Variants in DIPK1A observed in about 807,000 individuals in gnomAD.
DIPK1A encodes divergent protein kinase domain 1A, also known as family with sequence similarity 69 member A.
Under a neutral mutation model 40.8 loss-of-function variants are expected in DIPK1A, and 27 were observed. The ratio of observed to expected loss-of-function variants is 0.66; its 90% CI spans 0.49 to 0.91. DIPK1A has a LOEUF of 0.91. Ranked by LOEUF, DIPK1A falls within the 40% of genes least tolerant of loss-of-function variation. The probability of loss-of-function intolerance (pLI) is 0.00; values close to 1 mark genes in which losing one functional copy is unlikely to be tolerated. For missense variants in DIPK1A, 412 were observed against 505.7 expected (o/e 0.81, Z 1.78); for synonymous variants, 166 against 171.3 (o/e 0.97, Z 0.24).
Position 92,846,439 on chromosome 1 carries a change from T to C in DIPK1A, c.474+744A>G, listed in dbSNP as rs532836694. On this transcript the variant is annotated intron_variant, in intron 4 of 4. Transcript: ENST00000370310. Reference sequence around the variant, plus strand: ...AACCTCTCCTTATTCTCCTCTCCTCTGTACCCTTCCCAGCCTCTAATAGCC... The same window carrying C: ...AACCTCTCCTTATTCTCCTCTCCTCCGTACCCTTCCCAGCCTCTAATAGCC... 83 of 240,138 alleles carry C rather than the reference T, an allele frequency of 3.5e-4. 1 individual carries two copies. The highest frequency in any genetic ancestry group is 1.8e-3 in the African/African-American group (80 of 43,666). The allele number at this position is 240,138 out of a possible 1,614,324, so 14.9% of individuals were successfully genotyped here.
chr1:92,946,934 A>G (rs1571148333), intron 1 of DIPK1A, among the ~76,000 whole-genome samples: 2 of 136,422 alleles, frequency 1.5e-5, no homozygotes, highest in African/African-American at 5.3e-5. Context: ...ACAGAGTGAG[A>G]CCCTGTCTCA....
At chr1:92,849,337 G>GT (rs1478577600) in intron 3 of DIPK1A, among the ~76,000 whole-genome samples, 151 of 149,478 alleles carry the variant, frequency 1.0e-3, no homozygotes, top group Middle Eastern at 6.9e-3. Flanking sequence ...AATCTTGTCT[G>GT]GTTTTTTTTT....
intron 1 of DIPK1A, among the ~76,000 whole-genome samples, chr1:92,911,622 T>C (rs1340457498): frequency 6.6e-6 from 1 of 152,208 alleles, no homozygotes; most frequent in African/African-American, 2.4e-5. Flanking sequence ...TAAGCTACTA[T>C]GCATATTTAT....
chr1:92,943,463 C>T (rs774880249), intron 1 of DIPK1A, among the ~76,000 whole-genome samples: 7 of 152,100 alleles, frequency 4.6e-5, no homozygotes, highest in Non-Finnish European at 8.8e-5. Context: ...AGGTTGAAGA[C>T]GGTGGGAATA....
intron 1 of DIPK1A, among the ~76,000 whole-genome samples, chr1:92,957,622 C>A (rs1651904771): frequency 6.6e-6 from 1 of 152,090 alleles, no homozygotes; most frequent in African/African-American, 2.4e-5. Flanking sequence ...AAGAAGTGCT[C>A]CCTGCACCAA....
intron 1 of DIPK1A, among the ~76,000 whole-genome samples, chr1:92,899,565 G>A (rs1417513800): frequency 1.3e-5 from 2 of 151,948 alleles, no homozygotes; most frequent in African/African-American, 2.4e-5. Flanking sequence ...TATTGATAGG[G>A]GAAAACTCGC....
chr1:92,952,898 TAGCTCTA>T (rs1214771856), intron 1 of DIPK1A, among the ~76,000 whole-genome samples: 1 of 152,142 alleles, frequency 6.6e-6, no homozygotes. Context: ...CTTGTGGCAC[TAGCTCTA>T]AGATCTAATA....
intron 2 of DIPK1A, among the ~76,000 whole-genome samples, chr1:92,864,000 T>C (rs1647412863): frequency 6.6e-6 from 1 of 152,086 alleles, no homozygotes; most frequent in African/African-American, 2.4e-5. Flanking sequence ...AAGGTTGCAG[T>C]GAGCTGAGAT....
rs1010366271 is a variant in DIPK1A at position 92,935,169 on chromosome 1, A to C, written c.54+26207T>G. ...GACAGGACAAAACACAGGTCTTGAG[A>C]TTCCCAGTTCAATATTTCCACCTCT... On this transcript the variant is annotated intron_variant, in intron 1 of 4. Transcript: ENST00000370310. Among the ~76,000 whole-genome samples the C allele has an allele frequency of 4.6e-5, 7 of 152,292 alleles. No homozygotes were observed. The East Asian group carries it at 1.4e-3, about 29-fold the overall frequency.
chr1:92,850,021 A>T (rs1687763084), intron 3 of DIPK1A, among the ~76,000 whole-genome samples: 1 of 151,828 alleles, frequency 6.6e-6, no homozygotes, highest in Admixed American at 6.6e-5. Context: ...CCCAGGCTGG[A>T]GTGCAGTGGT....
At chr1:92,946,167 A>G (rs1255294317) in intron 1 of DIPK1A, among the ~76,000 whole-genome samples, 1 of 152,204 alleles carries the variant, frequency 6.6e-6, no homozygotes, top group Admixed American at 6.5e-5. Flanking sequence ...TGCTTCCTAT[A>G]ATAAAAGGAA....
At chr1:92,928,889 G>C (rs1650627511) in intron 1 of DIPK1A, among the ~76,000 whole-genome samples, 1 of 152,086 alleles carries the variant, frequency 6.6e-6, no homozygotes, top group Non-Finnish European at 1.5e-5. Flanking sequence ...TCGAACCTGG[G>C]AGGCAGAGGT....
Position 92,947,958 on chromosome 1 carries a change from AG to A in DIPK1A, c.54+13417del, listed in dbSNP as rs531453599. Among the ~76,000 whole-genome samples the A allele has an allele frequency of 8.7e-4, 133 of 152,360 alleles. 1 individual carries two copies. The highest frequency in any genetic ancestry group is 1.7e-3 in the Non-Finnish European group (115 of 68,036). ...AACCGACACAAAAGTGCAGCTAGAT[AG>A]GAGGAATAAGTTCTAGTATTCTACA... is the stretch of plus-strand genomic sequence containing the variant. On this transcript the variant is annotated intron_variant, in intron 1 of 4. Transcript: ENST00000370310.
Position 92,887,569 on chromosome 1 carries a change from C to T in DIPK1A, c.55-11139G>A, listed in dbSNP as rs150541512. ...TAAATGATACTGTAGCCCCTTGAAC[C>T]AAAATGATGTCCTGAAGTCAAGCCA... On this transcript the variant is annotated intron_variant, in intron 1 of 4. Coordinates refer to ENST00000370310, the MANE Select transcript of DIPK1A (RefSeq NM_001006605.5). Among the ~76,000 whole-genome samples the T allele has an allele frequency of 2.6e-5, 4 of 152,270 alleles. No individual in the cohort carries two copies. In the East Asian group the frequency reaches 7.7e-4, roughly 29 times the overall value.
chr1:92,845,833 TA>T (rs11407255), intron 4 of DIPK1A, among the ~76,000 whole-genome samples: 127 of 142,268 alleles, frequency 8.9e-4, no homozygotes, highest in African/African-American at 1.3e-3. Flanking sequence ...AGACTCCGTC[TA>T]AAAAAAAAAA....
intron 2 of DIPK1A, among the ~76,000 whole-genome samples, chr1:92,852,403 T>C (rs1243260711): frequency 6.6e-6 from 1 of 151,734 alleles, no homozygotes; most frequent in East Asian, 1.9e-4. Flanking sequence ...GAGGCTGCGG[T>C]GGAAGAGTCG....
At position 92,856,762 on chromosome 1, in the gene DIPK1A, G is replaced by T. The variant is rs1688001225; in HGVS notation, c.190-5807C>A. 3.3e-5 allele frequency among the ~76,000 whole-genome samples: 5 copies of T among 152,228 alleles called. No individual in the cohort carries two copies. The South Asian group carries it at 8.3e-4, about 25-fold the overall frequency. On this transcript the variant is annotated intron_variant, in intron 2 of 4. Coordinates refer to ENST00000370310, the MANE Select transcript of DIPK1A (RefSeq NM_001006605.5). ...AAGGAAAAAAAGAAAAGGAAAAGAA[G>T]AGAAAAGACAAGATAAGACAAGATG... is the stretch of plus-strand genomic sequence containing the variant.
chr1:92,841,807 G>A (rs781569413), downstream of DIPK1A: 6 of 1,611,630 alleles, frequency 3.7e-6, no homozygotes, highest in South Asian at 1.1e-5. Context: ...AAGAAGGATC[G>A]GGTAGCTCAA....
intron 1 of DIPK1A, among the ~76,000 whole-genome samples, chr1:92,898,110 A>C (rs1194944130): frequency 6.0e-5 from 1 of 16,602 alleles, no homozygotes; most frequent in African/African-American, 3.2e-4. Flanking sequence ...AAAAAAACAA[A>C]AAACAAACAA....
Sources: gnomAD v4.1 joint callset for allele counts (sites outside exome capture counted in the v4.1 genomes callset) on GRCh38, gnomAD v4.1.1 for gene constraint, MANE v1.5 for transcripts, NCBI Gene and HGNC (gene_info 2026-07-23, HGNC 2026-07-21) for gene names.